Variants in ADGRG5 observed in about 807,000 individuals in gnomAD.
ADGRG5 encodes the protein adhesion G protein-coupled receptor G5.
ADGRG5 carries 37 observed loss-of-function variants against 53.2 expected under a neutral mutation model. That is an observed-to-expected ratio of 0.70 (90% CI 0.53 to 0.91). ADGRG5 has a LOEUF of 0.91. Among genes scored for constraint, ADGRG5 ranks in the 40% least tolerant of loss-of-function variants. ADGRG5 has a pLI of 0.00. For missense variants in ADGRG5, 614 were observed against 675.8 expected, an observed-to-expected ratio of 0.91 and a Z score of 1.01; for synonymous variants, 277 against 290.4, an observed-to-expected ratio of 0.95 and a Z score of 0.47.
intron 7 of ADGRG5, among the ~76,000 whole-genome samples, 200 bp from the exon 8 acceptor site, chr16:57,567,270 C>T (rs2033159310): frequency 6.6e-6 from 1 of 152,138 alleles, no homozygotes; most frequent in Admixed American, 6.5e-5. Context: ...AAGGGAGGCA[C>T]TCATAGAAGA....
chr16:57,536,392 A>T, the ADGRG5 span: 1 of 152,204 alleles, frequency 6.6e-6, no homozygotes, highest in Non-Finnish European at 1.5e-5. Context: ...CTGCTCCTCC[A>T]GCACGCCCCA....
At chr16:57,533,636 ACACT>A in the ADGRG5 span, among the ~76,000 whole-genome samples, 2 of 149,588 alleles carry the variant, frequency 1.3e-5, no homozygotes, top group Non-Finnish European at 3.0e-5. Flanking sequence ...AGCCCCAGTA[ACACT>A]CACACTCACA....
intron 1 of ADGRG5, among the ~76,000 whole-genome samples, chr16:57,556,710 A>G (rs1382635991): frequency 1.4e-4 from 21 of 152,196 alleles, no homozygotes; most frequent in Admixed American, 1.3e-3. Context: ...TATTAAAACC[A>G]AGGTAATTTA....
intron 10 of ADGRG5, among the ~76,000 whole-genome samples, chr16:57,573,346 A>C (rs1472469836): frequency 6.7e-6 from 1 of 149,010 alleles, no homozygotes; most frequent in African/African-American, 2.5e-5. Flanking sequence ...AGAGAGGAGA[A>C]TTGCTTGAAC....
chr16:57,562,670 C>T (rs1442155802), intron 3 of ADGRG5: 1 of 577,272 alleles, frequency 1.7e-6, no homozygotes, highest in East Asian at 2.9e-5. Context: ...TCATAGATGT[C>T]ATGACACTAA....
intron 5 of ADGRG5, among the ~76,000 whole-genome samples, chr16:57,564,392 C>G (rs904750962): frequency 2.6e-5 from 4 of 151,686 alleles, no homozygotes; most frequent in African/African-American, 9.7e-5. Context: ...TCACTGCAAC[C>G]TCTGCCTCCT....
chr16:57,574,318 C>T lies in ADGRG5; in HGVS notation c.1209-497C>T, dbSNP rs1380705902. Among the ~76,000 whole-genome samples the T allele has an allele frequency of 6.6e-5, 10 of 152,208 alleles. No homozygotes were observed. The highest frequency in any genetic ancestry group is 5.9e-4 in the Admixed American group (9 of 15,288). On this transcript the variant is annotated intron_variant, in intron 10 of 11. Coordinates refer to ENST00000349457, the MANE Select transcript of ADGRG5 (RefSeq NM_001304376.3). This position sits in a 1 kb window ranked among gnomAD's most constrained non-coding sequence, Gnocchi z 4.4. ...GGTTGGCAGCCCGCCCACTCTCCAGCGCAGGCCTTGGTGGCCCCGTCTAGG... is the reference window on the plus strand; with the variant it reads ...GGTTGGCAGCCCGCCCACTCTCCAGTGCAGGCCTTGGTGGCCCCGTCTAGG...
At chr16:57,572,801 C>T (rs775936313) in intron 10 of ADGRG5, among the ~76,000 whole-genome samples, 2 of 152,226 alleles carry the variant, frequency 1.3e-5, no homozygotes, top group Non-Finnish European at 2.9e-5. Flanking sequence ...TATTCCCTAG[C>T]GGTGAAAGTG....
chr16:57,536,251 C>T, the ADGRG5 span, among the ~76,000 whole-genome samples: 2 of 152,014 alleles, frequency 1.3e-5, no homozygotes, highest in African/African-American at 2.4e-5. Flanking sequence ...CCGGAGGCGC[C>T]TCCCCTCCCC....
chr16:57,566,544 A>T, intron 6 of ADGRG5, 55 bp from the exon 7 acceptor site: 1 of 1,372,196 alleles, frequency 7.3e-7, no homozygotes, highest in African/African-American at 1.5e-5. Context: ...ACTCCCAGAC[A>T]CTGATCTGCA....
chr16:57,563,396 C>G (rs1049007923), intron 4 of ADGRG5, 149 bp downstream of exon 4: 1 of 701,864 alleles, frequency 1.4e-6, no homozygotes, highest in African/African-American at 1.8e-5. Context: ...TGAGTTGCCT[C>G]CTCTGTAAAA....
At chr16:57,535,141 T>TATTC in the ADGRG5 span, among the ~76,000 whole-genome samples, 2 of 152,020 alleles carry the variant, frequency 1.3e-5, no homozygotes, top group African/African-American at 4.8e-5. Context: ...GACAGCCTGA[T>TATTC]TGAATAAGTG....
At chr16:57,556,674 T>C (rs1180817637) in intron 1 of ADGRG5, among the ~76,000 whole-genome samples, 1 of 152,210 alleles carries the variant, frequency 6.6e-6, no homozygotes, top group Non-Finnish European at 1.5e-5. Context: ...CCACAATGCA[T>C]TGTTACTGTT....
At chr16:57,547,321 A>G (rs1306908498) in intron 1 of ADGRG5, among the ~76,000 whole-genome samples, 2 of 152,208 alleles carry the variant, frequency 1.3e-5, no homozygotes, top group Non-Finnish European at 2.9e-5. Flanking sequence ...AGCTCCCAAT[A>G]TGCTTCAGCA....
the ADGRG5 span, among the ~76,000 whole-genome samples, chr16:57,533,333 G>GC: frequency 6.6e-6 from 1 of 151,866 alleles, no homozygotes; most frequent in Middle Eastern, 3.4e-3. Context: ...AGCCCACCCC[G>GC]CCCCCAGCAC....
At chr16:57,548,902 A>C (rs1341436471) in intron 1 of ADGRG5, among the ~76,000 whole-genome samples, 1 of 151,724 alleles carries the variant, frequency 6.6e-6, no homozygotes, top group Non-Finnish European at 1.5e-5. Context: ...AGCTGCTATG[A>C]CTCTTCATAT....
chr16:57,529,490 G>A, the ADGRG5 span, among the ~76,000 whole-genome samples: 1 of 152,196 alleles, frequency 6.6e-6, no homozygotes, highest in Non-Finnish European at 1.5e-5. The surrounding 1 kb of genome is among the most constrained non-coding windows in gnomAD (Gnocchi z 4.1). Flanking sequence ...GCCCGCAAAG[G>A]CCTCCTCAGT....
chr16:57,533,964 C>T, the ADGRG5 span, among the ~76,000 whole-genome samples: 2 of 152,300 alleles, frequency 1.3e-5, no homozygotes, highest in South Asian at 4.1e-4. Flanking sequence ...CACGGTGGGA[C>T]CGGCCACCAC....
chr16:57,571,708 T>C (rs1410747510), intron 10 of ADGRG5, among the ~76,000 whole-genome samples: 1 of 146,438 alleles, frequency 6.8e-6, no homozygotes, highest in Non-Finnish European at 1.5e-5. Flanking sequence ...CAGGCTGGAG[T>C]GCAATGGTGT....
Sources: allele counts gnomAD v4.1 joint callset (sites outside exome capture counted in the v4.1 genomes callset), GRCh38; gene constraint gnomAD v4.1.1; non-coding constraint Gnocchi (gnomAD v3.1); transcripts MANE v1.5; gene names NCBI Gene and HGNC (gene_info 2026-07-23, HGNC 2026-07-21).